EPHA8: variants seen among roughly 807,000 people sequenced by gnomAD.
EPHA8 encodes the protein EPH receptor A8, also known as ephrin type-A receptor 8.
A neutral mutation model predicts 103.6 loss-of-function variants in EPHA8; 58 were observed. The ratio of observed to expected loss-of-function variants is 0.56; its 90% CI spans 0.45 to 0.70. The LOEUF is 0.70. EPHA8 is among the 30% of genes least tolerant of loss of function. The pLI, the probability that EPHA8 is intolerant of heterozygous loss-of-function variation, is 0.00. For synonymous variants in EPHA8, 559 were observed against 572.5 expected, an observed-to-expected ratio of 0.98 and a Z score of 0.34; for missense variants, 1,304 against 1,395.2, an observed-to-expected ratio of 0.93 and a Z score of 1.04.
chr1:22,567,622 G>A lies in EPHA8; in HGVS notation c.95-1667G>A, dbSNP rs1407308656. ...CTCCTTCAGGGTCCCTGACGGTGGG[G>A]TGGGGAGGGTGAGAGGCAGGAGAAA... On this transcript the variant is annotated intron_variant, in intron 1 of 16. Transcript: ENST00000166244. This position sits in a 1 kb window ranked among gnomAD's most constrained non-coding sequence, Gnocchi z 4.2. Among the ~76,000 whole-genome samples, 1 of 152,168 alleles carries A rather than the reference G, an allele frequency of 6.6e-6. No homozygotes were observed. Among genetic ancestry groups the A allele is most frequent in the African/African-American group, 2.4e-5 (1 of 41,432 alleles).
At position 22,601,318 on chromosome 1, in the gene EPHA8, C is replaced by T. The variant is rs150592901; in HGVS notation, c.2748C>T (p.Phe916=). 1.1e-5 allele frequency: 17 copies of T among 1,601,384 alleles called. No homozygotes were observed. The highest frequency in any genetic ancestry group is 9.5e-5 in the African/African-American group (7 of 74,038). ...ATVSRCPPPA[F]VRSCFDLRGG... ...GCCTCAGGTGCCCACCCCCTGCCTTCGTCCGGAGCTGCTTTGACCTCCGAG... is the reference window on the plus strand; with the variant it reads ...GCCTCAGGTGCCCACCCCCTGCCTTTGTCCGGAGCTGCTTTGACCTCCGAG... Residue 916 remains phenylalanine, a synonymous_variant, in exon 16 of 17, where the codon TTC becomes TTT. Coordinates refer to ENST00000166244, the MANE Select transcript of EPHA8 (RefSeq NM_020526.5).
In EPHA8 at chr1:22,601,949, G is replaced by A. The variant is rs1051583414; in HGVS notation, c.*208G>A. Reference sequence around the variant, plus strand: ...GGCCTTTGGTGGCCACCCTGGTGAGGACACCTGTCCCCCAGGGCAGGCACC... The same window carrying A: ...GGCCTTTGGTGGCCACCCTGGTGAGAACACCTGTCCCCCAGGGCAGGCACC... On this transcript the variant is annotated 3_prime_UTR_variant, in exon 17 of 17. Coordinates refer to ENST00000166244, the MANE Select transcript of EPHA8 (RefSeq NM_020526.5). 1 of 600,266 alleles carries A rather than the reference G, an allele frequency of 1.7e-6. No homozygotes were observed. The highest frequency in any genetic ancestry group is 2.1e-5 in the South Asian group (1 of 47,544). 37.2% of individuals were successfully genotyped at this position (600,266 alleles called of 1,614,324 possible).
intron 3 of EPHA8, among the ~76,000 whole-genome samples, chr1:22,584,060 C>T (rs963815784): frequency 2.6e-5 from 4 of 152,222 alleles, no homozygotes; most frequent in African/African-American, 9.6e-5. Context: ...AGATGCTAAT[C>T]GTTGTGGATT....
rs898752465 is a variant in EPHA8 at position 22,597,951 on chromosome 1, C to T, written c.2116+90C>T. On this transcript the variant is annotated intron_variant, in intron 11 of 16. Transcript: ENST00000166244. The surrounding 1 kb of genome is among the most constrained non-coding windows in gnomAD (Gnocchi z 4.6). ...CCATCCCCTCATCCATCCTGCTCTG[C>T]CCCACCTGACCCTGTCCTCTTGGTT... 1.2e-5 allele frequency: 18 copies of T among 1,497,842 alleles called. No homozygotes were observed. The highest frequency in any genetic ancestry group is 1.5e-5 in the Non-Finnish European group (17 of 1,096,892). 92.8% of individuals were successfully genotyped at this position (1,497,842 alleles called of 1,614,324 possible).
Position 22,567,859 on chromosome 1 carries a change from A to G in EPHA8, c.95-1430A>G, listed in dbSNP as rs571927361. Among the ~76,000 whole-genome samples the G allele has an allele frequency of 1.1e-3, 163 of 152,260 alleles. 3 individuals are homozygous for G. The East Asian group carries it at 0.026, about 24-fold the overall frequency. ...AAGCCCATGGCTGTTGGCTGGGAGA[A>G]GGGGTCATGGAAGGCAGAGTGAAAG... On this transcript the variant is annotated intron_variant, in intron 1 of 16. Transcript: ENST00000166244. The surrounding 1 kb of genome is among the most constrained non-coding windows in gnomAD (Gnocchi z 4.2).
chr1:22,588,818 C>G, intron 4 of EPHA8, 53 bp from the exon 5 acceptor site: 2 of 1,525,424 alleles, frequency 1.3e-6, no homozygotes, highest in Non-Finnish European at 1.8e-6. Flanking sequence ...GATAGGAAGA[C>G]AGGACAGCCC....
intron 1 of EPHA8, among the ~76,000 whole-genome samples, chr1:22,565,031 G>C (rs547555433): frequency 2.0e-5 from 3 of 152,036 alleles, no homozygotes; most frequent in Non-Finnish European, 2.9e-5. Context: ...TGACATGTGC[G>C]GTCAGTCTCC....
intron 3 of EPHA8, among the ~76,000 whole-genome samples, chr1:22,578,810 T>C (rs1199113106): frequency 6.6e-6 from 1 of 151,972 alleles, no homozygotes. Flanking sequence ...TGTGTGCATG[T>C]ATGTGTACAT....
intron 7 of EPHA8, among the ~76,000 whole-genome samples, chr1:22,594,210 C>A (rs1641455327): frequency 2.0e-5 from 3 of 152,196 alleles, no homozygotes; most frequent in Admixed American, 6.5e-5. Flanking sequence ...CTCAGGTGAT[C>A]TCCCACCTTG....
In EPHA8 at chr1:22,601,730, C is replaced by A; in HGVS notation, c.3007C>A (p.Arg1003=). 6.4e-7 allele frequency: 1 copy of A among 1,560,554 alleles called. No homozygotes were observed. The highest frequency in any genetic ancestry group is 2.4e-5 in the East Asian group (1 of 41,390). Residue 1003 remains arginine, a synonymous_variant, in exon 17 of 17, where the codon CGG becomes AGG. Coordinates refer to ENST00000166244, the MANE Select transcript of EPHA8 (RefSeq NM_020526.5). The part of the protein sequence containing the change: ...AQLTSTQGPR[R]HL ...GCTGACCAGCACCCAGGGGCCCCGC[C>A]GGCACCTCTGATGTACAGCCAGCAG...
At chr1:22,593,294 C>A (rs1641421380) in intron 5 of EPHA8, 32 bp from the exon 6 acceptor site, 2 of 1,545,430 alleles carry the variant, frequency 1.3e-6, no homozygotes, top group Non-Finnish European at 1.8e-6. Context: ...CTTGTCTCCC[C>A]TCCGCCCATC....
Position 22,598,905 on chromosome 1 carries a change from G to A in EPHA8, c.2246G>A (p.Arg749His), listed in dbSNP as rs201964877. 26 of 1,612,896 alleles carry A rather than the reference G, an allele frequency of 1.6e-5. No individual in the cohort carries two copies. In the Admixed American group the frequency reaches 2.0e-4, roughly 12 times the overall value. Reference protein sequence around the residue: ...GMLRGVGAGMRYLSDLGYVHR... With the variant: ...GMLRGVGAGMHYLSDLGYVHR... ...CTGAGAGGAGTGGGTGCCGGCATGCGCTACCTCTCAGACCTGGGCTATGTC... is the reference window on the plus strand; with the variant it reads ...CTGAGAGGAGTGGGTGCCGGCATGCACTACCTCTCAGACCTGGGCTATGTC... The change falls in exon 13 of 17, where the codon CGC becomes CAC. Residue 749 changes from arginine (R) to histidine (H), a missense_variant. Transcript: ENST00000166244. This position sits in a 1 kb window ranked among gnomAD's most constrained non-coding sequence, Gnocchi z 5.1.
intron 2 of EPHA8, among the ~76,000 whole-genome samples, chr1:22,573,059 A>T (rs1035239277): frequency 2.4e-4 from 36 of 152,198 alleles, no homozygotes; most frequent in Non-Finnish European, 4.6e-4. Flanking sequence ...ATTAATTGTG[A>T]CAATGACTTT....
At chr1:22,578,745 G>A (rs1569977855) in intron 3 of EPHA8, among the ~76,000 whole-genome samples, 1 of 148,318 alleles carries the variant, frequency 6.7e-6, no homozygotes, top group African/African-American at 2.5e-5. Context: ...GTGTATGTAC[G>A]GATTTGTGCA....
intron 4 of EPHA8, among the ~76,000 whole-genome samples, chr1:22,588,648 G>A (rs188891732): frequency 3.4e-4 from 51 of 152,154 alleles, no homozygotes; most frequent in Admixed American, 2.0e-3. Context: ...GGGTCCCAGG[G>A]TTCTGTGCCC....
chr1:22,594,488 C>T (rs543477437), intron 7 of EPHA8, among the ~76,000 whole-genome samples: 77 of 152,356 alleles, frequency 5.1e-4, no homozygotes, highest in Non-Finnish European at 9.4e-4. Context: ...TGGGCCCAGC[C>T]ATTTGGGTTT....
Position 22,601,424 on chromosome 1 carries a change from G to C in EPHA8, c.2854G>C (p.Ala952Pro). 6.2e-7 allele frequency: 1 copy of C among 1,610,964 alleles called. No homozygotes were observed. The highest frequency in any genetic ancestry group is 1.3e-5 in the African/African-American group (1 of 75,004). Residue 952 changes from alanine to proline, a missense_variant, in exon 16 of 17, where the codon GCT (alanine) becomes CCT (proline). Transcript: ENST00000166244. ...IRMGRYRDHFAAGGYSSLGMV... is the reference protein window; with the variant it reads ...IRMGRYRDHFPAGGYSSLGMV... ...CATGGGCCGGTACCGAGACCACTTCGCTGCGGGCGGATACTCCTCTCTGGG... is the reference window on the plus strand; with the variant it reads ...CATGGGCCGGTACCGAGACCACTTCCCTGCGGGCGGATACTCCTCTCTGGG...
At chr1:22,571,618 G>A (rs747065497) in intron 2 of EPHA8, among the ~76,000 whole-genome samples, 5 of 152,288 alleles carry the variant, frequency 3.3e-5, no homozygotes, top group East Asian at 1.9e-4. Flanking sequence ...GGGGTTTCTC[G>A]GAGAGGAGAG....
In EPHA8 at chr1:22,597,177, G is replaced by A. The variant is rs769608609; in HGVS notation, c.1766-135G>A. ...CACTTGGGAAATACTTATGGGGTGC[G>A]TGTTGTTTGCTACCACATCCAGAGA... On this transcript the variant is annotated intron_variant, in intron 9 of 16. Transcript: ENST00000166244. This position sits in a 1 kb window ranked among gnomAD's most constrained non-coding sequence, Gnocchi z 4.6. 54 of 669,412 alleles carry A rather than the reference G, an allele frequency of 8.1e-5. 1 individual carries two copies. The highest frequency in any genetic ancestry group is 1.3e-4 in the Non-Finnish European group (53 of 418,352). The allele number at this position is 669,412 out of a possible 1,614,324, so 41.5% of individuals were successfully genotyped here.
Sources: gnomAD v4.1 joint callset for allele counts (sites outside exome capture counted in the v4.1 genomes callset) on GRCh38, gnomAD v4.1.1 for gene constraint, Gnocchi (gnomAD v3.1) non-coding constraint, MANE v1.5 for transcripts, NCBI Gene and HGNC (gene_info 2026-07-23, HGNC 2026-07-21) for gene names.